DLG2: variants seen among roughly 807,000 people sequenced by gnomAD.
DLG2 encodes disks large homolog 2.
DLG2 carries 45 observed loss-of-function variants against 132.5 expected under a neutral mutation model. The ratio of observed to expected loss-of-function variants is 0.34; its 90% confidence interval spans 0.27 to 0.44. The LOEUF is 0.44. Ranked by LOEUF, DLG2 falls within the 20% of genes least tolerant of loss-of-function variation. The probability of loss-of-function intolerance (pLI) is 1.00; values close to 1 mark genes in which losing one functional copy is unlikely to be tolerated. For missense variants in DLG2, 1,045 were observed against 1,196.9 expected, an observed-to-expected ratio of 0.87 and a Z score of 1.87; for synonymous variants, 424 against 419.6, an observed-to-expected ratio of 1.01 and a Z score of -0.13.
chr11:84,413,798 A>G (rs532223158), intron 7 of DLG2, among the ~76,000 whole-genome samples: 23 of 152,292 alleles, frequency 1.5e-4, no homozygotes, highest in African/African-American at 5.3e-4. Context: ...GCACTTATCC[A>G]TCCTTCTCCC....
At chr11:83,912,602 C>T (rs1348802199) in intron 15 of DLG2, among the ~76,000 whole-genome samples, 1 of 152,076 alleles carries the variant, frequency 6.6e-6, no homozygotes, top group African/African-American at 2.4e-5. Context: ...AACATAATAT[C>T]TACTATCTAT....
intron 21 of DLG2, among the ~76,000 whole-genome samples, chr11:83,495,617 C>G (rs566877091): frequency 6.6e-6 from 1 of 152,058 alleles, no homozygotes; most frequent in Non-Finnish European, 1.5e-5. Flanking sequence ...TAGAAATTGT[C>G]GTACCCATTT....
intron 25 of DLG2, among the ~76,000 whole-genome samples, chr11:83,468,774 G>A (rs1180466533): frequency 1.3e-5 from 2 of 152,090 alleles, no homozygotes; most frequent in Non-Finnish European, 1.5e-5. Context: ...GAACTTCTGC[G>A]AGCAAAAGGC....
chr11:84,285,668 G>A (rs2097902693), intron 7 of DLG2, among the ~76,000 whole-genome samples: 1 of 152,108 alleles, frequency 6.6e-6, no homozygotes. Flanking sequence ...ATGCCCCCTA[G>A]GGAAACAAAA....
intron 4 of DLG2, among the ~76,000 whole-genome samples, chr11:85,261,850 G>T (rs1404988699): frequency 1.3e-5 from 2 of 152,114 alleles, no homozygotes; most frequent in Non-Finnish European, 2.9e-5. Context: ...TGACATCAAG[G>T]TTGGGCTATC....
chr11:85,385,800 G>C lies in DLG2; in HGVS notation c.41-100435C>G, dbSNP rs563566772. Among the ~76,000 whole-genome samples the C allele has an allele frequency of 5.2e-4, 79 of 152,278 alleles. 1 individual carries two copies. The highest frequency in any genetic ancestry group is 9.9e-4 in the Non-Finnish European group (67 of 68,014). On this transcript the variant is annotated intron_variant, in intron 3 of 27. Coordinates refer to ENST00000376104, the MANE Select transcript of DLG2 (RefSeq NM_001142699.3). ...AACAACAGGTGCTCTGAACAGCTGT[G>C]GGGAGAGAACTGAACTTTTCAAGAT...
At chr11:83,815,135 A>C (rs2153970900) in intron 17 of DLG2, 1 of 154,214 alleles carries the variant, frequency 6.5e-6, no homozygotes, top group Middle Eastern at 3.2e-3. Context: ...AAAGTGTTTC[A>C]CCTTTTTCCT....
intron 6 of DLG2, among the ~76,000 whole-genome samples, chr11:84,951,711 G>A (rs572230500): frequency 2.7e-5 from 4 of 145,752 alleles, no homozygotes; most frequent in South Asian, 2.2e-4. Context: ...ATACACACAC[G>A]TATATATATA....
At chr11:84,871,351 A>G (rs1331792324) in intron 6 of DLG2, among the ~76,000 whole-genome samples, 2 of 152,202 alleles carry the variant, frequency 1.3e-5, no homozygotes, top group Admixed American at 1.3e-4. Context: ...CAGGACTTCC[A>G]GAAAGCATAT....
chr11:83,667,393 A>G (rs751941677), intron 18 of DLG2, among the ~76,000 whole-genome samples: 10 of 152,214 alleles, frequency 6.6e-5, no homozygotes, highest in African/African-American at 2.4e-5. Flanking sequence ...GCATGATGTT[A>G]ATAGATTTTC....
chr11:84,013,451 T>C (rs1438849401), intron 11 of DLG2, among the ~76,000 whole-genome samples: 1 of 152,076 alleles, frequency 6.6e-6, no homozygotes, highest in Non-Finnish European at 1.5e-5. Flanking sequence ...ATTTATGAAA[T>C]ATGTTTAAAT....
intron 4 of DLG2, among the ~76,000 whole-genome samples, chr11:85,175,008 A>G (rs536315483): frequency 6.6e-6 from 1 of 152,324 alleles, no homozygotes; most frequent in East Asian, 1.9e-4. Context: ...CCAGGACCAG[A>G]TAAATTTACA....
At chr11:84,773,818 C>A (rs372202180) in intron 6 of DLG2, among the ~76,000 whole-genome samples, 1 of 152,054 alleles carries the variant, frequency 6.6e-6, no homozygotes, top group Non-Finnish European at 1.5e-5. Context: ...ATGACAAACC[C>A]ACAGCCAACA....
At chr11:85,408,580 T>A (rs1177589881) in intron 3 of DLG2, among the ~76,000 whole-genome samples, 4 of 128,322 alleles carry the variant, frequency 3.1e-5, no homozygotes, top group South Asian at 2.5e-4. Flanking sequence ...CAGAGTATGA[T>A]GTTCCCCTTC....
chr11:84,141,943 T>A (rs1185689435), intron 9 of DLG2, among the ~76,000 whole-genome samples: 1 of 152,136 alleles, frequency 6.6e-6, no homozygotes, highest in Admixed American at 6.6e-5. Flanking sequence ...TATTTAACTT[T>A]TTTGTTGGTT....
At chr11:83,678,948 C>G (rs372717436) in intron 18 of DLG2, among the ~76,000 whole-genome samples, 1 of 152,230 alleles carries the variant, frequency 6.6e-6, no homozygotes, top group East Asian at 1.9e-4. Context: ...AAATCCCCAA[C>G]TTCATTTTTA....
At chr11:84,085,463 C>T (rs1479174692) in intron 10 of DLG2, among the ~76,000 whole-genome samples, 1 of 152,180 alleles carries the variant, frequency 6.6e-6, no homozygotes, top group African/African-American at 2.4e-5. Flanking sequence ...CTTCTCAGAG[C>T]TCTGAGTTTA....
At chr11:83,771,996 AT>A (rs561095753) in intron 18 of DLG2, among the ~76,000 whole-genome samples, 8 of 151,134 alleles carry the variant, frequency 5.3e-5, no homozygotes, top group East Asian at 1.9e-4. Flanking sequence ...ATTGTGTTCC[AT>A]TTTTTTTTCT....
intron 5 of DLG2, chr11:85,132,724 T>G (rs1159402087): frequency 6.6e-6 from 3 of 456,484 alleles, no homozygotes; most frequent in Non-Finnish European, 1.3e-5. Flanking sequence ...AGAATAATAA[T>G]AGAAAAATGC....
Sources: allele counts gnomAD v4.1 joint callset (sites outside exome capture counted in the v4.1 genomes callset), GRCh38; gene constraint gnomAD v4.1.1; transcripts MANE v1.5; gene names NCBI Gene and HGNC (gene_info 2026-07-23, HGNC 2026-07-21).